DYM: variants seen among roughly 807,000 people sequenced by gnomAD.
DYM encodes dymeclin.
Under a neutral mutation model 93.1 loss-of-function variants are expected in DYM, and 78 were observed. The observed-to-expected ratio is 0.84, with a 90% CI of 0.70 to 1.01. The LOEUF (loss-of-function observed/expected upper bound fraction) is 1.01, where lower values mean the gene tolerates loss of function less well. Ranked by LOEUF, DYM falls within the 50% of genes least tolerant of loss-of-function variation. The pLI is 0.00. For missense variants in DYM, 789 were observed against 845.0 expected (o/e 0.93, Z 0.82); for synonymous variants, 321 against 319.7 (o/e 1.00, Z -0.04).
At chr18:49,131,221 T>C (rs1180665110) in intron 15 of DYM, among the ~76,000 whole-genome samples, 3 of 152,120 alleles carry the variant, frequency 2.0e-5, no homozygotes, top group African/African-American at 4.8e-5. Flanking sequence ...ACTACAGACA[T>C]GGAGGACATT....
chr18:49,108,253 A>C (rs1157165018), intron 16 of DYM, among the ~76,000 whole-genome samples: 2 of 152,216 alleles, frequency 1.3e-5, no homozygotes, highest in East Asian at 3.9e-4. Flanking sequence ...AGACCGTTGG[A>C]AAAGCACAGT....
Position 49,143,884 on chromosome 18 carries a change from G to A in DYM, c.1728+19801C>T, listed in dbSNP as rs190732575. ...ATACTCATTCATTTCCTCTTCTCCA[G>A]GGTTATTCTGAAGCAAAGTCCAAAC... is the stretch of plus-strand genomic sequence containing the variant. On this transcript the variant is annotated intron_variant, in intron 15 of 17. Transcript: ENST00000675505. Among the ~76,000 whole-genome samples the A allele has an allele frequency of 8.5e-5, 13 of 152,144 alleles. No individual in the cohort carries two copies. The East Asian group carries it at 2.5e-3, about 29-fold the overall frequency.
In DYM at chr18:49,258,446, G is replaced by T; in HGVS notation, c.1299C>A (p.Ile433=). The stretch of plus-strand genomic sequence containing the variant: ...CCAGGATCAGGAGACTCCCCAAGGA[G>T]ATTTCAGTTAAAACTCGTTCTGAAT... ...TWYSERVLTE[I]SLGSLLILVV... The change falls in exon 12 of 18, where the codon ATC becomes ATA. Residue 433 remains isoleucine, a synonymous_variant. Transcript: ENST00000675505. 6.2e-7 allele frequency: 1 copy of T among 1,613,628 alleles called. No individual in the cohort carries two copies. Among genetic ancestry groups the T allele is most frequent in the Non-Finnish European group, 8.5e-7 (1 of 1,179,566 alleles).
At chr18:49,164,759 T>C (rs557347286) in intron 14 of DYM, among the ~76,000 whole-genome samples, 4 of 152,256 alleles carry the variant, frequency 2.6e-5, no homozygotes, top group African/African-American at 9.6e-5. Flanking sequence ...CTGAGGGATA[T>C]TGGAGCTCCA....
intron 15 of DYM, among the ~76,000 whole-genome samples, chr18:49,133,462 G>A (rs1033096166): frequency 2.0e-5 from 3 of 152,150 alleles, no homozygotes; most frequent in African/African-American, 4.8e-5. Flanking sequence ...TGGTTCCTCC[G>A]CATCTAATGA....
At chr18:49,365,419 G>GA (rs1279101934) in intron 5 of DYM, among the ~76,000 whole-genome samples, 26 of 150,938 alleles carry the variant, frequency 1.7e-4, no homozygotes, top group Admixed American at 9.9e-4. Context: ...TATTAGTGAA[G>GA]AAAAAAAAAT....
chr18:49,333,989 T>A, intron 6 of DYM, 136 bp from the exon 7 acceptor site: 1 of 957,232 alleles, frequency 1.0e-6, no homozygotes, highest in Non-Finnish European at 1.5e-6. Flanking sequence ...TTAATACGTT[T>A]AATACAAAAA....
intron 13 of DYM, among the ~76,000 whole-genome samples, chr18:49,222,241 T>C (rs2093390961): frequency 6.6e-6 from 1 of 152,102 alleles, no homozygotes; most frequent in Admixed American, 6.6e-5. Flanking sequence ...AGAATTTCTG[T>C]TAAATAATCT....
chr18:49,386,669 C>G (rs1027082641), intron 3 of DYM, among the ~76,000 whole-genome samples: 3 of 152,124 alleles, frequency 2.0e-5, no homozygotes, highest in Non-Finnish European at 2.9e-5. Flanking sequence ...ATGTGGCACC[C>G]TAGGTGGGAT....
At chr18:49,220,309 C>T (rs113172179) in intron 13 of DYM, among the ~76,000 whole-genome samples, 11,051 of 146,934 alleles carry the variant, frequency 0.075, 602 homozygotes, top group East Asian at 0.29. Flanking sequence ...GAATCAATAT[C>T]GTGAAAATGG....
intron 13 of DYM, among the ~76,000 whole-genome samples, chr18:49,224,959 G>T (rs2093477507): frequency 6.6e-6 from 1 of 152,070 alleles, no homozygotes; most frequent in Non-Finnish European, 1.5e-5. Flanking sequence ...CTTGATGAAG[G>T]AGTGGTTACC....
intron 14 of DYM, among the ~76,000 whole-genome samples, chr18:49,202,382 G>A (rs1413435684): frequency 6.6e-6 from 1 of 151,296 alleles, no homozygotes; most frequent in Non-Finnish European, 1.5e-5. Context: ...GCCTCCCAAA[G>A]TGCCGAGATT....
chr18:49,270,875 G>A (rs1026956957), intron 11 of DYM, among the ~76,000 whole-genome samples: 2 of 152,078 alleles, frequency 1.3e-5, no homozygotes, highest in African/African-American at 4.8e-5. Flanking sequence ...AAAACAAAGT[G>A]TCTGTACCCT....
chr18:49,403,952 A>G (rs1404578631), intron 2 of DYM, among the ~76,000 whole-genome samples: 1 of 151,868 alleles, frequency 6.6e-6, no homozygotes, highest in Non-Finnish European at 1.5e-5. Flanking sequence ...AGTCTATGGC[A>G]TATATATAGC....
At chr18:49,410,405 GC>G (rs940586100) in intron 2 of DYM, among the ~76,000 whole-genome samples, 9 of 151,918 alleles carry the variant, frequency 5.9e-5, no homozygotes, top group African/African-American at 2.2e-4. Context: ...ACACTGCCAG[GC>G]CATGGTGTTG....
At chr18:49,099,946 T>G (rs1184413902) in intron 16 of DYM, among the ~76,000 whole-genome samples, 1 of 152,180 alleles carries the variant, frequency 6.6e-6, no homozygotes, top group Non-Finnish European at 1.5e-5. Context: ...TCACCTTCAG[T>G]GTGTGGGGAA....
intron 11 of DYM, among the ~76,000 whole-genome samples, chr18:49,258,779 T>C (rs1448320987): frequency 5.0e-5 from 3 of 60,106 alleles, no homozygotes; most frequent in African/African-American, 8.2e-5. Context: ...CTAGGGATCA[T>C]AGACACACAC....
chr18:49,305,419 TTTAAACTTCTAACAAC>T (rs1321809135), intron 8 of DYM, among the ~76,000 whole-genome samples: 1 of 152,176 alleles, frequency 6.6e-6, no homozygotes, highest in Non-Finnish European at 1.5e-5. Context: ...TATTGTTCTC[TTTAAACTTCTAACAAC>T]AATCCCTAAT....
Position 49,042,779 on chromosome 18 carries a change from C to T in DYM, c.*1276G>A, listed in dbSNP as rs1295078697. On this transcript the variant is annotated 3_prime_UTR_variant, in exon 18 of 18. Coordinates refer to ENST00000675505, the MANE Select transcript of DYM (RefSeq NM_001353214.3). ...ACAGAGTGTGACTGGAAAGGAAGGT[C>T]CCAACTGGCCCTCAATGTGGCCCCA... 6.6e-6 allele frequency: 1 copy of T among 152,206 alleles called. No individual in the cohort carries two copies. Among genetic ancestry groups the T allele is most frequent in the Non-Finnish European group, 1.5e-5 (1 of 68,048 alleles). The allele number at this position is 152,206 out of a possible 1,614,324, so 9.4% of individuals were successfully genotyped here.
Sources: allele counts gnomAD v4.1 joint callset (sites outside exome capture counted in the v4.1 genomes callset), GRCh38; gene constraint gnomAD v4.1.1; transcripts MANE v1.5; gene names NCBI Gene and HGNC (gene_info 2026-07-23, HGNC 2026-07-21).